The following KCTD2 variants were observed in gnomAD, a reference collection of about 807,000 sequenced individuals.
KCTD2 encodes the protein BTB/POZ domain-containing protein KCTD2.
KCTD2 carries 18 observed loss-of-function variants against 27.9 expected under a neutral mutation model. That is an observed-to-expected ratio of 0.64 (90% CI 0.45 to 0.96). The LOEUF (loss-of-function observed/expected upper bound fraction) is 0.96. KCTD2 is among the 40% of genes least tolerant of loss of function. The pLI is 0.00. For missense variants in KCTD2, 280 were observed against 348.0 expected (o/e 0.80, Z 1.56); for synonymous variants, 175 against 148.4 (o/e 1.18, Z -1.30).
rs570660154 is a variant in KCTD2 at position 75,034,718 on chromosome 17, GAGA to G, written c.-384-508_-384-506del. Among the ~76,000 whole-genome samples the G allele has an allele frequency of 1.7e-3, 266 of 152,250 alleles. 3 individuals are homozygous for G. Among genetic ancestry groups the G allele is most frequent in the African/African-American group, 5.9e-3 (247 of 41,560 alleles). On this transcript the variant is annotated intron_variant, in intron 2 of 7. Coordinates refer to the KCTD2 transcript ENST00000581589. ...GGAGCCCGCGGTGCCCTGTAACCCC[GAGA>G]AGAAGTGCTCGGCGAGCGCAGAGGC...
At chr17:75,042,753 G>T (rs114110296), upstream of KCTD2, 3,744 of 1,268,526 alleles carry the variant, frequency 3.0e-3, 104 homozygotes, top group African/African-American at 0.051. Flanking sequence ...CTCTTAGAGA[G>T]AATCCTTTAA....
At chr17:75,058,152 C>T (rs556540744) in intron 3 of KCTD2, among the ~76,000 whole-genome samples, 1 of 151,512 alleles carries the variant, frequency 6.6e-6, no homozygotes, top group African/African-American at 2.4e-5. Context: ...GGTGAGACTT[C>T]GTCTCTACTA....
chr17:75,062,923 C>G, intron 5 of KCTD2, 95 bp from the exon 6 acceptor site: 1 of 1,322,158 alleles, frequency 7.6e-7, no homozygotes, highest in Non-Finnish European at 1.1e-6. Flanking sequence ...ATGACAGGAC[C>G]ATCATGCCAC....
chr17:75,047,107 C>T, upstream of KCTD2: 1 of 274,342 alleles, frequency 3.6e-6, no homozygotes, highest in Admixed American at 5.4e-5. Flanking sequence ...CTCCCCCGCG[C>T]GGGTCCCCGG....
intron 3 of KCTD2, among the ~76,000 whole-genome samples, chr17:75,036,451 T>C (rs1339331589): frequency 1.3e-5 from 2 of 152,216 alleles, no homozygotes; most frequent in Non-Finnish European, 2.9e-5. Context: ...AATTAATGCA[T>C]GTACAACGCA....
chr17:75,045,123 T>C (rs1178904209), upstream of KCTD2, among the ~76,000 whole-genome samples: 2 of 152,122 alleles, frequency 1.3e-5, no homozygotes, highest in East Asian at 1.9e-4. Context: ...ACATCACACG[T>C]TGGTAGGATC....
chr17:75,043,086 G>T (rs1379410124), upstream of KCTD2, among the ~76,000 whole-genome samples: 1 of 151,712 alleles, frequency 6.6e-6, no homozygotes, highest in Non-Finnish European at 1.5e-5. Flanking sequence ...GCCAGCCGTG[G>T]TGGCCCGCGC....
intron 3 of KCTD2, among the ~76,000 whole-genome samples, chr17:75,035,719 A>T (rs2040109206): frequency 6.6e-6 from 1 of 152,094 alleles, no homozygotes; most frequent in African/African-American, 2.4e-5. Flanking sequence ...AAACCCAGCT[A>T]CTCAGGAGGC....
intron 3 of KCTD2, among the ~76,000 whole-genome samples, chr17:75,056,525 T>C: frequency 6.6e-6 from 1 of 152,192 alleles, no homozygotes; most frequent in East Asian, 1.9e-4. Flanking sequence ...CGCAATTAAA[T>C]TAATTAGTCT....
chr17:75,052,159 G>A (rs1455701159), intron 2 of KCTD2, among the ~76,000 whole-genome samples: 2 of 152,182 alleles, frequency 1.3e-5, no homozygotes, highest in East Asian at 1.9e-4. Flanking sequence ...AGGGAAAGGA[G>A]GGTTGAAATG....
chr17:75,046,889 C>A (rs2073225895), upstream of KCTD2: 1 of 153,682 alleles, frequency 6.5e-6, no homozygotes, highest in South Asian at 2.1e-4. Context: ...GAGGAGCCCT[C>A]CAGGGATCGG....
intron 4 of KCTD2, among the ~76,000 whole-genome samples, chr17:75,060,771 T>C (rs367969400): frequency 2.6e-5 from 4 of 152,262 alleles, no homozygotes; most frequent in Admixed American, 6.5e-5. Flanking sequence ...TGCCTACTTA[T>C]GTGTAGAGTT....
chr17:75,041,844 G>A (rs182827851), intron 3 of KCTD2: 104 of 199,428 alleles, frequency 5.2e-4, no homozygotes, highest in Admixed American at 1.5e-3. Flanking sequence ...ACCAAGTTCA[G>A]CATCAATATG....
rs1366850725 is a variant in KCTD2 at position 75,059,669 on chromosome 17, A to G, written c.636+64A>G. ...CAAGGGGTCTGCAGCTCTTCAAACA[A>G]TCAGTGTGGATGGCCAATTAATAAC... On this transcript the variant is annotated intron_variant, in intron 4 of 5. Transcript: ENST00000322444. 28 of 1,243,644 alleles carry G rather than the reference A, an allele frequency of 2.3e-5. No homozygotes were observed. The Admixed American group carries it at 3.8e-4, about 17-fold the overall frequency. The allele number at this position is 1,243,644 out of a possible 1,614,324, so 77.0% of individuals were successfully genotyped here.
intron 3 of KCTD2, among the ~76,000 whole-genome samples, chr17:75,037,291 CAGA>C (rs2073111935): frequency 6.9e-6 from 1 of 144,036 alleles, no homozygotes. Flanking sequence ...TTGCAATGAG[CAGA>C]AATCGTGCCA....
chr17:75,063,054 AC>A lies in KCTD2; in HGVS notation c.*11del, dbSNP rs540819698. Reference sequence around the variant, plus strand: ...GAGAGGATCGCGGATGTAAACTAAGACCCCGAAAACTCCAGACCTTCAGGAG... The same window carrying A: ...GAGAGGATCGCGGATGTAAACTAAGACCCGAAAACTCCAGACCTTCAGGAG... On this transcript the variant is annotated 3_prime_UTR_variant, in exon 6 of 6. Transcript: ENST00000322444. The A allele has an allele frequency of 6.5e-4, 1,050 of 1,613,348 alleles. 7 individuals carry two copies. The African/African-American group carries it at 0.013, about 20-fold the overall frequency.
chr17:75,042,150 A>G lies in KCTD2; in HGVS notation c.-259+6793A>G, dbSNP rs751878822. The G allele has an allele frequency of 8.0e-5, 126 of 1,581,428 alleles. No individual in the cohort carries two copies. The South Asian group carries it at 1.3e-3, about 16-fold the overall frequency. On this transcript the variant is annotated intron_variant, in intron 3 of 7. Coordinates refer to the KCTD2 transcript ENST00000581589. ...GCTCCCTACCCACAGGCATGTTACA[A>G]GCTCAGTGCTTTAGAGGTGTGAAGT...
chr17:75,056,879 C>T (rs527923532), intron 3 of KCTD2, among the ~76,000 whole-genome samples: 10 of 151,838 alleles, frequency 6.6e-5, no homozygotes, highest in African/African-American at 2.2e-4. Context: ...ACCCTACCTT[C>T]GGTTTCATGA....
At chr17:75,043,756 A>G (rs1451231310), upstream of KCTD2, among the ~76,000 whole-genome samples, 4 of 152,220 alleles carry the variant, frequency 2.6e-5, no homozygotes, top group African/African-American at 9.6e-5. Flanking sequence ...ATTCTCCAGT[A>G]GACAGAAACT....
Sources: allele counts gnomAD v4.1 joint callset (sites outside exome capture counted in the v4.1 genomes callset), GRCh38; gene constraint gnomAD v4.1.1; transcripts MANE v1.5; gene names NCBI Gene and HGNC (gene_info 2026-07-23, HGNC 2026-07-21).